The following COL17A1 variants were observed in gnomAD, a reference collection of about 807,000 sequenced individuals.
COL17A1 encodes the protein collagen type XVII alpha 1 chain.
Under a neutral mutation model 218.4 loss-of-function variants are expected in COL17A1, and 181 were observed. The observed-to-expected ratio is 0.83, with a 90% CI of 0.73 to 0.94. COL17A1 has a LOEUF of 0.94. Among genes scored for constraint, COL17A1 ranks in the 40% least tolerant of loss-of-function variants. The pLI, the probability that COL17A1 is intolerant of heterozygous loss-of-function variation, is 0.00. For missense variants in COL17A1, 1,924 were observed against 1,945.9 expected (o/e 0.99, Z 0.21); for synonymous variants, 721 against 731.0 (o/e 0.99, Z 0.22).
intron 24 of COL17A1, among the ~76,000 whole-genome samples, chr10:104,051,914 A>G (rs2086473230): frequency 6.6e-6 from 1 of 152,166 alleles, no homozygotes; most frequent in Non-Finnish European, 1.5e-5. Flanking sequence ...TAACGGGGCC[A>G]TTGAAGAGAG....
intron 47 of COL17A1, 99 bp downstream of exon 47, chr10:104,036,945 AG>A: frequency 8.8e-7 from 1 of 1,139,816 alleles, no homozygotes; most frequent in East Asian, 2.6e-5. Context: ...TCCCTCTTGC[AG>A]CCCTTCCAAG....
chr10:104,062,381 CT>C (rs1193251231), intron 11 of COL17A1, 52 bp from the exon 12 acceptor site: 2 of 1,613,522 alleles, frequency 1.2e-6, no homozygotes, highest in African/African-American at 1.3e-5. Flanking sequence ...GGGATGCCCC[CT>C]GGCTTAGGAC....
At chr10:104,054,253 T>C (rs1462103210) in intron 20 of COL17A1, 135 bp from the exon 21 acceptor site, 6 of 827,164 alleles carry the variant, frequency 7.3e-6, no homozygotes, top group Middle Eastern at 3.3e-4. Flanking sequence ...TACATTTGAA[T>C]TGCAGATAAA....
intron 31 of COL17A1, 32 bp from the exon 32 acceptor site, chr10:104,046,805 T>G: frequency 6.2e-7 from 1 of 1,611,800 alleles, no homozygotes; most frequent in South Asian, 1.1e-5. Context: ...AGGGAAGAGT[T>G]GAAGGGTGGA....
intron 1 of COL17A1, among the ~76,000 whole-genome samples, chr10:104,084,841 A>G (rs915269762): frequency 2.0e-5 from 3 of 152,238 alleles, no homozygotes; most frequent in African/African-American, 7.2e-5. Context: ...TCTGCTTTTC[A>G]AATAAATACC....
At chr10:104,063,723 T>C (rs779385942) in intron 11 of COL17A1, 24 bp downstream of exon 11, 3 of 1,614,028 alleles carry the variant, frequency 1.9e-6, no homozygotes, top group African/African-American at 1.3e-5. Context: ...CCTGGAAAAG[T>C]CATCTCAAGA....
At chr10:104,061,064 T>A (rs2086577915) in intron 13 of COL17A1, among the ~76,000 whole-genome samples, 1 of 152,146 alleles carries the variant, frequency 6.6e-6, no homozygotes, top group Non-Finnish European at 1.5e-5. Flanking sequence ...GCCAGCAGTT[T>A]CTGAGGGCTC....
At chr10:104,078,455 T>G (rs2086730931) in intron 3 of COL17A1, 87 bp downstream of exon 3, 7 of 1,571,888 alleles carry the variant, frequency 4.5e-6, no homozygotes, top group Middle Eastern at 3.3e-4. Flanking sequence ...ATGTCAAAAA[T>G]TTTGGAGCTC....
chr10:104,056,958 C>T lies in COL17A1; in HGVS notation c.1465+17G>A. The T allele has an allele frequency of 6.4e-7, 1 of 1,558,710 alleles. No homozygotes were observed. The highest frequency in any genetic ancestry group is 1.2e-5 in the South Asian group (1 of 85,426). ...GCCTCCTACCACACAGGCTGCCCTG[C>T]TGCCTTTGCCACGTACCCAGAGCAA... On this transcript the variant is annotated intron_variant, in intron 17 of 55. Transcript: ENST00000648076.
intron 5 of COL17A1, among the ~76,000 whole-genome samples, chr10:104,075,726 C>G (rs2086704418): frequency 6.6e-6 from 1 of 152,202 alleles, no homozygotes. Context: ...TCCCTCAAAC[C>G]TTTTGCACGT....
Position 104,032,175 on chromosome 10 carries a change from G to T in COL17A1, c.*60C>A. Reference sequence around the variant, plus strand: ...CCAGCTTTCACCCTCTGGAGACCTTGGACCTAAGTGCCACATGCATTATGA... The same window carrying T: ...CCAGCTTTCACCCTCTGGAGACCTTTGACCTAAGTGCCACATGCATTATGA... On this transcript the variant is annotated 3_prime_UTR_variant, in exon 56 of 56. Transcript: ENST00000648076. 7.2e-7 allele frequency: 1 copy of T among 1,387,336 alleles called. No individual in the cohort carries two copies. 85.9% of individuals were successfully genotyped at this position (1,387,336 alleles called of 1,614,324 possible).
intron 7 of COL17A1, among the ~76,000 whole-genome samples, chr10:104,072,592 C>T (rs11191916): frequency 0.1 from 15,621 of 152,208 alleles, 835 homozygotes; most frequent in Middle Eastern, 0.18. Flanking sequence ...GGTTGGCATA[C>T]TCCTAACTTC....
chr10:104,073,976 G>T (rs1379145955), intron 6 of COL17A1: 41 of 678,200 alleles, frequency 6.0e-5, no homozygotes, highest in Non-Finnish European at 9.4e-5. Context: ...ACGAGCAAAG[G>T]CTTATGACAG....
chr10:104,035,812 G>A (rs1400456863), intron 48 of COL17A1, among the ~76,000 whole-genome samples: 2 of 151,910 alleles, frequency 1.3e-5, no homozygotes, highest in Non-Finnish European at 2.9e-5. Flanking sequence ...GTGTGTATGG[G>A]AGTGAGTGTG....
At chr10:104,061,586 G>T in intron 12 of COL17A1, 113 bp from the exon 13 acceptor site, 1 of 837,440 alleles carries the variant, frequency 1.2e-6, no homozygotes, top group Non-Finnish European at 2.0e-6. Flanking sequence ...AGAAGCAGAT[G>T]ATGAATCAAC....
rs61731085 is a variant in COL17A1 at position 104,076,308 on chromosome 10, C to G, written c.324G>C (p.Ala108=). ...GGTTAGTGGGACTGATACCTTCATA[C>G]GCATGGCGGGTAACGTGAGTTTTCC... The part of the protein sequence containing the change: ...FERKTHVTRH[A]YEGSSSGNSS... Residue 108 remains alanine, a synonymous_variant, in exon 5 of 56, where the codon GCG becomes GCC. Transcript: ENST00000648076. 3.1e-6 allele frequency: 5 copies of G among 1,614,022 alleles called. No homozygotes were observed. In the East Asian group the frequency reaches 1.1e-4, roughly 36 times the overall value.
Position 104,058,146 on chromosome 10 carries a change from C to T in COL17A1, c.1267G>A (p.Asp423Asn). ...VSTKGKTTTADIHSYGSSGGG... is the reference protein window; with the variant it reads ...VSTKGKTTTANIHSYGSSGGG... ...TGCAGGGTTCGCGGTTCTCACCCAC[C>T]TGCAGTGGTGGTCTTGCCCTTTGTG... is the stretch of plus-strand genomic sequence containing the variant. Residue 423 changes from aspartate to asparagine, a missense_variant and splice_region_variant, in exon 16 of 56, where the codon GAT (aspartate) becomes AAT (asparagine). Asp to Asn is a conservative substitution (Grantham distance 23). Transcript: ENST00000648076. The T allele has an allele frequency of 6.2e-7, 1 of 1,614,214 alleles. No homozygotes were observed. The highest frequency in any genetic ancestry group is 8.5e-7 in the Non-Finnish European group (1 of 1,180,042).
intron 9 of COL17A1, among the ~76,000 whole-genome samples, chr10:104,069,813 C>T (rs577538662): frequency 6.6e-6 from 1 of 152,230 alleles, no homozygotes; most frequent in Admixed American, 6.5e-5. Context: ...ATAAGCCCCA[C>T]CCAAGCTGCC....
At chr10:104,035,778 CTG>C (rs747006742) in intron 48 of COL17A1, among the ~76,000 whole-genome samples, 799 of 67,076 alleles carry the variant, frequency 0.012, 8 homozygotes, top group Admixed American at 0.022. Flanking sequence ...GTGCTTCATT[CTG>C]TGTGTGTGTG....
Sources: allele counts gnomAD v4.1 joint callset (sites outside exome capture counted in the v4.1 genomes callset), GRCh38; gene constraint gnomAD v4.1.1; transcripts MANE v1.5; gene names NCBI Gene and HGNC (gene_info 2026-07-23, HGNC 2026-07-21).